The following METTL25 variants were observed in gnomAD, a reference collection of about 807,000 sequenced individuals.
METTL25 encodes methyltransferase like 25, also known as probable methyltransferase-like protein 25.
In METTL25, 64 loss-of-function variants were observed where a neutral mutation model predicts 71.6. The ratio of observed to expected loss-of-function variants is 0.89; its 90% CI spans 0.73 to 1.10. METTL25 has a LOEUF of 1.10. Ranked by LOEUF, METTL25 falls within the 50% of genes least tolerant of loss-of-function variation. METTL25 has a pLI of 0.00. For missense variants in METTL25, 807 were observed against 707.0 expected, an observed-to-expected ratio of 1.14 and a Z score of -1.60; for synonymous variants, 287 against 250.3, an observed-to-expected ratio of 1.15 and a Z score of -1.38.
intron 2 of METTL25, 84 bp from the exon 3 acceptor site, chr12:82,389,732 A>C: frequency 1.3e-6 from 1 of 798,044 alleles, no homozygotes; most frequent in Non-Finnish European, 2.1e-6. Flanking sequence ...TTCCTACTTA[A>C]TTTCAAAAAA....
intron 9 of METTL25, among the ~76,000 whole-genome samples, chr12:82,459,657 C>T (rs1891730240): frequency 6.6e-6 from 1 of 151,980 alleles, no homozygotes; most frequent in Admixed American, 6.6e-5. Context: ...AACAAAAATA[C>T]TAGTATAGAA....
chr12:82,473,462 G>C (rs1326884585), intron 9 of METTL25, among the ~76,000 whole-genome samples: 1 of 152,116 alleles, frequency 6.6e-6, no homozygotes, highest in Admixed American at 6.5e-5. Context: ...TGGCTTGGAG[G>C]CTTGTATACT....
intron 5 of METTL25, among the ~76,000 whole-genome samples, chr12:82,409,817 A>G (rs1887411046): frequency 6.6e-6 from 1 of 152,066 alleles, no homozygotes. Flanking sequence ...TCCTCCATTT[A>G]CTTAAAAAAA....
In METTL25 at chr12:82,402,066, G is replaced by A. The variant is rs142876584; in HGVS notation, c.1132-917G>A. On this transcript the variant is annotated intron_variant, in intron 4 of 11. Coordinates refer to ENST00000248306, the MANE Select transcript of METTL25 (RefSeq NM_032230.3). Reference sequence around the variant, plus strand: ...AAATGATTGTTGAACAAGATTCTGTGCATGTATACATTTGTACTCATTGTG... The same window carrying A: ...AAATGATTGTTGAACAAGATTCTGTACATGTATACATTTGTACTCATTGTG... 2.6e-3 allele frequency among the ~76,000 whole-genome samples: 391 copies of A among 151,992 alleles called. 2 individuals carry two copies. Among genetic ancestry groups the A allele is most frequent in the African/African-American group, 8.9e-3 (368 of 41,508 alleles).
In METTL25 at chr12:82,438,743, G is replaced by T; in HGVS notation, c.1430G>T (p.Arg477Leu). ...CTGCCTACTGAATCACTCTTCTATCGTGCTGTTCTTCAGGATATTATTAAA... is the reference window on the plus strand; with the variant it reads ...CTGCCTACTGAATCACTCTTCTATCTTGCTGTTCTTCAGGATATTATTAAA... Reference protein sequence around the residue: ...QGLPTESLFYRAVLQDIIKDC... With the variant: ...QGLPTESLFYLAVLQDIIKDC... The change falls in exon 8 of 12, where the codon CGT becomes CTT. Residue 477 changes from arginine to leucine, a missense_variant. Transcript: ENST00000248306. 1.3e-6 allele frequency: 2 copies of T among 1,532,914 alleles called. No individual in the cohort carries two copies. The highest frequency in any genetic ancestry group is 1.8e-6 in the Non-Finnish European group (2 of 1,133,126). 95.0% of individuals were successfully genotyped at this position (1,532,914 alleles called of 1,614,324 possible). A position where few individuals can be genotyped will look rare whatever the true frequency, so the allele number is the denominator to read the frequency against.
At chr12:82,430,102 GT>G (rs1420650503) in intron 5 of METTL25, among the ~76,000 whole-genome samples, 1 of 149,508 alleles carries the variant, frequency 6.7e-6, no homozygotes, top group African/African-American at 2.4e-5. Context: ...TAATATTTAT[GT>G]TTATCTCGAC....
At chr12:82,411,050 A>G (rs1254751764) in intron 5 of METTL25, among the ~76,000 whole-genome samples, 1 of 152,102 alleles carries the variant, frequency 6.6e-6, no homozygotes, top group African/African-American at 2.4e-5. Context: ...CTCCTATTAT[A>G]TTGAACTAAA....
chr12:82,425,875 A>G (rs185951174), intron 5 of METTL25, among the ~76,000 whole-genome samples: 54 of 152,230 alleles, frequency 3.5e-4, no homozygotes, highest in African/African-American at 1.2e-3. Flanking sequence ...AACTAGTACA[A>G]TCTCTAAGAG....
At chr12:82,420,644 A>G (rs1193796373) in intron 5 of METTL25, among the ~76,000 whole-genome samples, 1 of 152,144 alleles carries the variant, frequency 6.6e-6, no homozygotes, top group South Asian at 2.1e-4. Context: ...TAAGTACTCA[A>G]TAAATATATA....
chr12:82,366,637 T>C (rs1475214646), intron 1 of METTL25, among the ~76,000 whole-genome samples: 1 of 152,168 alleles, frequency 6.6e-6, no homozygotes, highest in Non-Finnish European at 1.5e-5. Context: ...TAGTTTTTAT[T>C]GTTGGTGGTG....
intron 1 of METTL25, among the ~76,000 whole-genome samples, chr12:82,359,655 C>T (rs1168297634): frequency 6.6e-6 from 1 of 152,150 alleles, no homozygotes; most frequent in East Asian, 1.9e-4. Flanking sequence ...CATTTAAAAA[C>T]TATTTTAAAG....
chr12:82,379,000 C>G (rs2136905931), intron 1 of METTL25, among the ~76,000 whole-genome samples: 1 of 152,302 alleles, frequency 6.6e-6, no homozygotes, highest in South Asian at 2.1e-4. Context: ...CTGCTGCACT[C>G]TAGCCTGGGC....
chr12:82,408,004 T>A (rs762572503), intron 5 of METTL25: 1 of 976,288 alleles, frequency 1.0e-6, no homozygotes, highest in Non-Finnish European at 1.2e-6. Context: ...TCTAGCTGCC[T>A]AGCTGAGTCG....
chr12:82,443,462 C>CAA (rs67737833), intron 8 of METTL25, among the ~76,000 whole-genome samples: 2 of 96,570 alleles, frequency 2.1e-5, no homozygotes, highest in African/African-American at 3.8e-5. Flanking sequence ...CAGAGGAGAC[C>CAA]AAAAAAAAAA....
In METTL25 at chr12:82,430,914, G is replaced by A. The variant is rs749436430; in HGVS notation, c.1301G>A (p.Gly434Glu). 3.1e-6 allele frequency: 5 copies of A among 1,595,864 alleles called. No individual in the cohort carries two copies. In the South Asian group the frequency reaches 5.6e-5, roughly 18 times the overall value. The part of the protein sequence containing the change: ...QHKERTQEKW[G>E]FPMCHYLKEE... ...GCAGAACGTACTCAGGAAAAGTGGG[G>A]ATTTCCAATGTGCCACTATTTAAAG... Residue 434 changes from glycine to glutamate, a missense_variant, in exon 6 of 12, where the codon GGA (glycine) becomes GAA (glutamate). Coordinates refer to ENST00000248306, the MANE Select transcript of METTL25 (RefSeq NM_032230.3).
At chr12:82,388,229 C>G (rs1885235578) in intron 2 of METTL25, among the ~76,000 whole-genome samples, 1 of 152,072 alleles carries the variant, frequency 6.6e-6, no homozygotes, top group Admixed American at 6.6e-5. Flanking sequence ...TAAGTTTACT[C>G]ACTTGGTAAA....
At chr12:82,475,947 T>G (rs1320814394) in intron 9 of METTL25, among the ~76,000 whole-genome samples, 1 of 152,068 alleles carries the variant, frequency 6.6e-6, no homozygotes, top group East Asian at 1.9e-4. Context: ...CTCAAAAAGT[T>G]TCAGATTTTG....
intron 1 of METTL25, among the ~76,000 whole-genome samples, chr12:82,363,908 G>T (rs1468929099): frequency 6.6e-6 from 1 of 152,122 alleles, no homozygotes; most frequent in African/African-American, 2.4e-5. Context: ...TTGGATTTCA[G>T]TGGCTGTTAT....
intron 1 of METTL25, among the ~76,000 whole-genome samples, chr12:82,365,219 A>C (rs896207904): frequency 6.6e-6 from 1 of 152,226 alleles, no homozygotes; most frequent in African/African-American, 2.4e-5. Flanking sequence ...TGTGTATGAT[A>C]ATAAATATTA....
Sources: allele counts gnomAD v4.1 joint callset (sites outside exome capture counted in the v4.1 genomes callset), GRCh38; gene constraint gnomAD v4.1.1; transcripts MANE v1.5; gene names NCBI Gene and HGNC (gene_info 2026-07-23, HGNC 2026-07-21).